LRRC18: variants seen among roughly 807,000 people sequenced by gnomAD.
LRRC18 encodes the protein leucine-rich repeat-containing protein 18.
Under a neutral mutation model 11.2 loss-of-function variants are expected in LRRC18, and 12 were observed. That is an observed-to-expected ratio of 1.07 (90% confidence interval 0.69 to 1.74). The LOEUF (loss-of-function observed/expected upper bound fraction) is 1.74, where lower values mean the gene tolerates loss of function less well. Among genes scored for constraint, LRRC18 ranks in the 40% most tolerant of loss-of-function variants. The pLI, the probability that LRRC18 is intolerant of heterozygous loss-of-function variation, is 0.00. For missense variants in LRRC18, 374 were observed against 330.5 expected (o/e 1.13, Z -1.02); for synonymous variants, 155 against 130.6 (o/e 1.19, Z -1.27).
the LRRC18 span, among the ~76,000 whole-genome samples, chr10:48,938,955 G>A: frequency 5.3e-5 from 8 of 152,272 alleles, no homozygotes; most frequent in African/African-American, 1.2e-4. Context: ...CCGGGTAACC[G>A]CCACAATCCT....
chr10:48,928,016 C>A, the LRRC18 span, among the ~76,000 whole-genome samples: 2 of 152,174 alleles, frequency 1.3e-5, no homozygotes, highest in African/African-American at 4.8e-5. Context: ...CAGACCTGGC[C>A]CCTTTGAAGC....
the LRRC18 span, among the ~76,000 whole-genome samples, chr10:48,924,464 A>C: frequency 1.3e-5 from 2 of 152,232 alleles, no homozygotes; most frequent in East Asian, 3.8e-4. Context: ...ATAGGGAGAA[A>C]GATGTAAGTA....
chr10:48,912,334 G>A (rs140975686), intron 1 of LRRC18, among the ~76,000 whole-genome samples: 134 of 152,338 alleles, frequency 8.8e-4, no homozygotes, highest in African/African-American at 3.1e-3. Context: ...CAGAACACTT[G>A]GAGTTCAGTG....
upstream of LRRC18, among the ~76,000 whole-genome samples, chr10:48,916,938 TG>T (rs1838602344): frequency 1.3e-5 from 2 of 151,964 alleles, no homozygotes; most frequent in African/African-American, 4.8e-5. Context: ...AATGATGTTT[TG>T]GTCAATGACA....
At chr10:48,927,817 A>G in the LRRC18 span, among the ~76,000 whole-genome samples, 1 of 152,202 alleles carries the variant, frequency 6.6e-6, no homozygotes, top group Non-Finnish European at 1.5e-5. Context: ...AATAGCATCT[A>G]TTTTGTAATT....
At chr10:48,911,914 G>C (rs1465185694) in intron 1 of LRRC18, among the ~76,000 whole-genome samples, 1 of 152,206 alleles carries the variant, frequency 6.6e-6, no homozygotes, top group Admixed American at 6.5e-5. Context: ...AAGCAGCAAG[G>C]GGTGAAGAAA....
chr10:48,936,172 C>T, the LRRC18 span, among the ~76,000 whole-genome samples: 2 of 151,564 alleles, frequency 1.3e-5, no homozygotes, highest in African/African-American at 4.8e-5. Context: ...ACAAAAAAAG[C>T]AAAATAAAAT....
chr10:48,914,285 T>C, upstream of LRRC18: 1 of 952,504 alleles, frequency 1.0e-6, no homozygotes, highest in Non-Finnish European at 1.5e-6. Flanking sequence ...GGCACTGGGC[T>C]CCCCCACGTC....
chr10:48,910,227 C>G (rs1448780137), exon 2 of LRRC18: 2 of 1,604,858 alleles, frequency 1.2e-6, no homozygotes, highest in South Asian at 1.1e-5. Flanking sequence ...AAGATTTTGC[C>G]ACAGCTACTC....
the LRRC18 span, among the ~76,000 whole-genome samples, chr10:48,929,418 C>A: frequency 1.3e-5 from 2 of 152,158 alleles, no homozygotes; most frequent in Admixed American, 1.3e-4. Flanking sequence ...ATACTCCAGG[C>A]CAGTGAGTGT....
the LRRC18 span, chr10:48,935,321 C>T: frequency 6.6e-6 from 1 of 152,250 alleles, no homozygotes; most frequent in African/African-American, 2.4e-5. Context: ...CTAAGACACT[C>T]TAATTTCCCG....
At chr10:48,926,030 G>A in the LRRC18 span, among the ~76,000 whole-genome samples, 1 of 152,212 alleles carries the variant, frequency 6.6e-6, no homozygotes, top group East Asian at 1.9e-4. Context: ...CAATGTGTCT[G>A]ATACGCAAGC....
At chr10:48,911,514 ATAACT>A (rs1419595126) in intron 1 of LRRC18, among the ~76,000 whole-genome samples, 1 of 152,244 alleles carries the variant, frequency 6.6e-6, no homozygotes, top group Admixed American at 6.5e-5. Flanking sequence ...AAAACTGAAA[ATAACT>A]TAAAGGTACA....
chr10:48,931,695 T>A, the LRRC18 span, among the ~76,000 whole-genome samples: 11 of 152,246 alleles, frequency 7.2e-5, no homozygotes, highest in Non-Finnish European at 1.3e-4. Flanking sequence ...CAGAAAATGC[T>A]GCAATGTCTA....
At chr10:48,926,731 G>A in the LRRC18 span, among the ~76,000 whole-genome samples, 1 of 152,120 alleles carries the variant, frequency 6.6e-6, no homozygotes, top group African/African-American at 2.4e-5. Context: ...TATTTTAATA[G>A]CATTAATGGA....
chr10:48,938,890 G>A, the LRRC18 span, among the ~76,000 whole-genome samples: 2 of 152,304 alleles, frequency 1.3e-5, no homozygotes, highest in East Asian at 3.9e-4. Context: ...GGGAGTGAAA[G>A]GGTTGATGTG....
chr10:48,913,068 A>G (rs1429941744), intron 1 of LRRC18, among the ~76,000 whole-genome samples: 1 of 152,156 alleles, frequency 6.6e-6, no homozygotes, highest in East Asian at 1.9e-4. Context: ...GTGTGGCGGC[A>G]TTAGCTGCTT....
exon 1 of LRRC18, chr10:48,913,981 G>T (rs138280112): frequency 1.2e-6 from 2 of 1,614,014 alleles, no homozygotes; most frequent in African/African-American, 2.7e-5. Flanking sequence ...ATAAGATTCC[G>T]GCTAAGGTCC....
the LRRC18 span, among the ~76,000 whole-genome samples, chr10:48,939,157 G>C: frequency 1.8e-4 from 28 of 152,316 alleles, 1 homozygote; most frequent in South Asian, 4.3e-3. Context: ...CTCAGAGGGG[G>C]ACTGGCAGAG....
Sources: gnomAD v4.1 joint callset for allele counts (sites outside exome capture counted in the v4.1 genomes callset) on GRCh38, gnomAD v4.1.1 for gene constraint, MANE v1.5 for transcripts, NCBI Gene and HGNC (gene_info 2026-07-23, HGNC 2026-07-21) for gene names.